Variants in FOXP2 observed in about 807,000 individuals in gnomAD.
The protein encoded by FOXP2 is forkhead box protein P2.
In FOXP2, 12 loss-of-function variants were observed where a neutral mutation model predicts 115.8. The ratio of observed to expected loss-of-function variants is 0.10; its 90% confidence interval spans 0.07 to 0.17. The LOEUF is 0.17. FOXP2 is among the 10% of genes least tolerant of loss of function. FOXP2 has a pLI of 1.00. For synonymous variants in FOXP2, 328 were observed against 297.7 expected (o/e 1.10, Z -1.05); for missense variants, 629 against 843.5 (o/e 0.75, Z 3.15).
chr7:114,486,852 G>T (rs1268939702), intron 2 of FOXP2, among the ~76,000 whole-genome samples: 1 of 152,148 alleles, frequency 6.6e-6, no homozygotes, highest in Non-Finnish European at 1.5e-5. Flanking sequence ...GGTTCCCATA[G>T]CCTTGGGCAG....
intron 1 of FOXP2, among the ~76,000 whole-genome samples, chr7:114,263,352 T>C (rs1053353078): frequency 6.6e-6 from 1 of 151,982 alleles, no homozygotes; most frequent in Admixed American, 6.6e-5. Context: ...TCTTTTTCTT[T>C]TTTTTTTTCA....
At chr7:114,255,700 G>T (rs954800208) in intron 1 of FOXP2, among the ~76,000 whole-genome samples, 2 of 152,118 alleles carry the variant, frequency 1.3e-5, no homozygotes, top group African/African-American at 4.8e-5. Context: ...TCACAGCTTC[G>T]CTTGGCTAGG....
At chr7:114,575,058 GT>G (rs1194271635) in intron 3 of FOXP2, among the ~76,000 whole-genome samples, 2 of 151,756 alleles carry the variant, frequency 1.3e-5, no homozygotes, top group East Asian at 1.9e-4. Context: ...TTTTATTTGT[GT>G]TCCAAATTCA....
At chr7:114,569,563 A>C (rs1330330106) in intron 3 of FOXP2, among the ~76,000 whole-genome samples, 1 of 151,956 alleles carries the variant, frequency 6.6e-6, no homozygotes, top group Admixed American at 6.6e-5. Flanking sequence ...AAGGTTAGCA[A>C]GAGTAGCACA....
At chr7:114,295,640 T>A (rs371136949) in intron 2 of FOXP2, among the ~76,000 whole-genome samples, 1 of 152,222 alleles carries the variant, frequency 6.6e-6, no homozygotes, top group African/African-American at 2.4e-5. Flanking sequence ...AACAGAGGAC[T>A]ATTACTGTAG....
At chr7:114,522,433 C>T (rs1798670395) in intron 2 of FOXP2, among the ~76,000 whole-genome samples, 1 of 152,136 alleles carries the variant, frequency 6.6e-6, no homozygotes, top group Admixed American at 6.6e-5. Flanking sequence ...AGCAAGAATC[C>T]TTCCTTGGTC....
At chr7:114,250,786 A>T (rs1352909716) in intron 1 of FOXP2, among the ~76,000 whole-genome samples, 1 of 152,106 alleles carries the variant, frequency 6.6e-6, no homozygotes, top group Non-Finnish European at 1.5e-5. Context: ...TGCTGTGCAG[A>T]AGCTCTTTAG....
intron 2 of FOXP2, among the ~76,000 whole-genome samples, chr7:114,459,870 C>A (rs762791285): frequency 1.4e-4 from 21 of 152,188 alleles, no homozygotes; most frequent in Non-Finnish European, 2.1e-4. Flanking sequence ...CCCGCCTCAG[C>A]CTCCCAAAGT....
chr7:114,537,859 T>A (rs1275457131), intron 3 of FOXP2, among the ~76,000 whole-genome samples: 9 of 151,718 alleles, frequency 5.9e-5, no homozygotes, highest in Non-Finnish European at 4.4e-5. Flanking sequence ...TATTGATGAA[T>A]AATATATAAA....
Position 114,376,937 on chromosome 7 carries a change from C to G in FOXP2, c.-10-49565C>G, listed in dbSNP as rs578020084. ...GAGTTTAGATATAACACAAGAGAAC[C>G]TCTCCAAAGTCTCAGTTTCCTCTGA... On this transcript the variant is annotated intron_variant, in intron 2 of 17. Transcript: ENST00000634411. Among the ~76,000 whole-genome samples the G allele has an allele frequency of 9.9e-5, 15 of 152,270 alleles. No individual in the cohort carries two copies. In the East Asian group the frequency reaches 2.9e-3, roughly 29 times the overall value.
intron 1 of FOXP2, among the ~76,000 whole-genome samples, chr7:114,418,295 C>A (rs537324993): frequency 4.0e-4 from 61 of 151,986 alleles, no homozygotes; most frequent in Non-Finnish European, 7.4e-4. Context: ...TCTATTGATG[C>A]AGGACTGGTG....
chr7:114,354,885 C>T (rs1228706749), intron 2 of FOXP2, among the ~76,000 whole-genome samples: 2 of 152,024 alleles, frequency 1.3e-5, no homozygotes, highest in Non-Finnish European at 2.9e-5. Context: ...GTATAATAAC[C>T]ACTTTGATGT....
At chr7:114,133,847 ACTT>A (rs1791955751) in intron 1 of FOXP2, among the ~76,000 whole-genome samples, 1 of 152,122 alleles carries the variant, frequency 6.6e-6, no homozygotes, top group Non-Finnish European at 1.5e-5. Context: ...ATCTGCTTTG[ACTT>A]CTCCAGTATG....
At chr7:114,453,488 A>G (rs1357256670) in intron 2 of FOXP2, among the ~76,000 whole-genome samples, 1 of 152,028 alleles carries the variant, frequency 6.6e-6, no homozygotes, top group Non-Finnish European at 1.5e-5. Context: ...AAAATGATAT[A>G]AAACAGTTTA....
intron 1 of FOXP2, among the ~76,000 whole-genome samples, chr7:114,191,683 T>C (rs931810935): frequency 3.3e-5 from 5 of 152,242 alleles, no homozygotes; most frequent in Non-Finnish European, 5.9e-5. Flanking sequence ...CATTATTCCT[T>C]TTCCTCTCCC....
intron 1 of FOXP2, among the ~76,000 whole-genome samples, chr7:114,189,263 A>G (rs1333190246): frequency 6.6e-6 from 1 of 152,188 alleles, no homozygotes; most frequent in Admixed American, 6.5e-5. Context: ...TTATTTTAAA[A>G]ATTTATGATG....
At chr7:114,375,733 G>A (rs1235273952) in intron 2 of FOXP2, among the ~76,000 whole-genome samples, 1 of 152,108 alleles carries the variant, frequency 6.6e-6, no homozygotes, top group Non-Finnish European at 1.5e-5. Context: ...CTCCCAATGT[G>A]ATCTCTCATC....
chr7:114,677,888 T>C (rs190950658), intron 16 of FOXP2, among the ~76,000 whole-genome samples: 1 of 152,326 alleles, frequency 6.6e-6, no homozygotes, highest in East Asian at 1.9e-4. Context: ...TAAACATTTA[T>C]TGAACACCTA....
At chr7:114,326,691 A>C (rs1416510289) in intron 2 of FOXP2, among the ~76,000 whole-genome samples, 1 of 152,170 alleles carries the variant, frequency 6.6e-6, no homozygotes, top group Non-Finnish European at 1.5e-5. Flanking sequence ...ATATTGATAG[A>C]CTATGCATTT....
Sources: gnomAD v4.1 joint callset for allele counts (sites outside exome capture counted in the v4.1 genomes callset) on GRCh38, gnomAD v4.1.1 for gene constraint, MANE v1.5 for transcripts, NCBI Gene and HGNC (gene_info 2026-07-23, HGNC 2026-07-21) for gene names.